SPOCK1: variants seen among roughly 807,000 people sequenced by gnomAD.
The protein encoded by SPOCK1 is SPARC (osteonectin), cwcv and kazal like domains proteoglycan 1, also known as testican-1.
A neutral mutation model predicts 55.3 loss-of-function variants in SPOCK1; 23 were observed. That is an observed-to-expected ratio of 0.42 (90% CI 0.30 to 0.59). The LOEUF (loss-of-function observed/expected upper bound fraction) is 0.59, where lower values mean the gene tolerates loss of function less well. Among genes scored for constraint, SPOCK1 ranks in the 20% least tolerant of loss-of-function variants. The pLI is 0.22. For synonymous variants in SPOCK1, 226 were observed against 221.0 expected (o/e 1.02, Z -0.20); for missense variants, 499 against 552.5 (o/e 0.90, Z 0.97).
At chr5:137,334,984 T>C (rs1750211830) in intron 2 of SPOCK1, among the ~76,000 whole-genome samples, 1 of 151,888 alleles carries the variant, frequency 6.6e-6, no homozygotes. Flanking sequence ...TGTGGAGAGA[T>C]TTCACCCCTA....
rs1190134515 is a variant in SPOCK1 at position 137,024,603 on chromosome 5, G to A, written c.590-32003C>T. ...GCAATTACTAGGAAGGGAGCCATCT[G>A]ACATGTAAAAAAAAAAAAAAAGTAG... On this transcript the variant is annotated intron_variant, in intron 6 of 10. Coordinates refer to ENST00000394945, the MANE Select transcript of SPOCK1 (RefSeq NM_004598.4). Among the ~76,000 whole-genome samples the A allele has an allele frequency of 3.6e-4, 53 of 146,248 alleles. 1 individual carries two copies. Among genetic ancestry groups the A allele is most frequent in the Admixed American group, 2.7e-4 (4 of 14,602 alleles).
chr5:137,341,463 G>T (rs73296887), intron 2 of SPOCK1, among the ~76,000 whole-genome samples: 5,645 of 152,300 alleles, frequency 0.037, 402 homozygotes, highest in African/African-American at 0.13. Flanking sequence ...CATGTCTCAG[G>T]TTTGAAAAAA....
At chr5:137,085,199 G>A (rs975110152) in intron 5 of SPOCK1, among the ~76,000 whole-genome samples, 4 of 152,120 alleles carry the variant, frequency 2.6e-5, no homozygotes, top group African/African-American at 9.7e-5. Flanking sequence ...GTCTGGAGAT[G>A]CCCCACCTGG....
chr5:137,009,688 CT>C (rs934071724), intron 6 of SPOCK1, among the ~76,000 whole-genome samples: 13 of 152,278 alleles, frequency 8.5e-5, no homozygotes, highest in African/African-American at 3.1e-4. Context: ...TAACATTTTT[CT>C]TTTAAACCAA....
At chr5:137,463,526 T>TGGG (rs200180241) in intron 2 of SPOCK1, among the ~76,000 whole-genome samples, 4 of 12,336 alleles carry the variant, frequency 3.2e-4, no homozygotes, top group African/African-American at 9.8e-4. Context: ...GCAAGGGTAG[T>TGGG]GGGGGGGTGT....
chr5:137,098,765 A>G (rs1169603869), intron 5 of SPOCK1, among the ~76,000 whole-genome samples: 1 of 152,124 alleles, frequency 6.6e-6, no homozygotes, highest in African/African-American at 2.4e-5. Flanking sequence ...ATACTTAGAG[A>G]CTTTGCATCG....
chr5:137,077,199 C>T (rs1171843772), intron 5 of SPOCK1, among the ~76,000 whole-genome samples: 1 of 152,236 alleles, frequency 6.6e-6, no homozygotes. Flanking sequence ...GCTGGGATTA[C>T]AGGCGTGAGC....
chr5:137,170,591 C>CTG (rs761958583), intron 3 of SPOCK1, among the ~76,000 whole-genome samples: 1 of 87,600 alleles, frequency 1.1e-5, no homozygotes, highest in Non-Finnish European at 2.3e-5. Context: ...TGTTATTTCT[C>CTG]TCTCTCTCTC....
chr5:136,985,311 A>C, intron 8 of SPOCK1, 109 bp from the exon 9 acceptor site: 4 of 1,079,036 alleles, frequency 3.7e-6, no homozygotes, highest in Non-Finnish European at 2.8e-6. Context: ...CTGGGAGTGG[A>C]ATTGTTCCAT....
At position 136,977,889 on chromosome 5, in the gene SPOCK1, C is replaced by T. The variant is rs142711610; in HGVS notation, c.*765G>A. On this transcript the variant is annotated 3_prime_UTR_variant, in exon 11 of 11. Coordinates refer to ENST00000394945, the MANE Select transcript of SPOCK1 (RefSeq NM_004598.4). ...CCAGAAATTTTGTTCCAGGTCTGGA[C>T]AAGCTGAGAAATTTATCATTGTTTT... 3.4e-3 allele frequency: 1,352 copies of T among 398,822 alleles called. 15 individuals carry two copies. The highest frequency in any genetic ancestry group is 0.026 in the African/African-American group (1,246 of 48,748). 24.7% of individuals were successfully genotyped at this position (398,822 alleles called of 1,614,324 possible).
At position 136,977,431 on chromosome 5, in the gene SPOCK1, A is replaced by T. The variant is rs1466407351; in HGVS notation, c.*1223T>A. On this transcript the variant is annotated 3_prime_UTR_variant, in exon 11 of 11. Transcript: ENST00000394945. ...CATTTGGGATTGAGTGGTTAAAAAA[A>T]AAAATCTGTACAGCTTTTGTGCCCT... 1.7e-5 allele frequency: 3 copies of T among 172,588 alleles called. No homozygotes were observed. The highest frequency in any genetic ancestry group is 7.1e-5 in the African/African-American group (3 of 42,534). The allele number at this position is 172,588 out of a possible 1,614,324, so 10.7% of individuals were successfully genotyped here.
intron 2 of SPOCK1, among the ~76,000 whole-genome samples, chr5:137,460,451 G>A (rs1753460435): frequency 6.6e-6 from 1 of 152,180 alleles, no homozygotes; most frequent in Admixed American, 6.5e-5. Context: ...GAGCCAAGGA[G>A]TAAAGCTCAG....
At chr5:137,471,969 G>C (rs1214613301) in intron 2 of SPOCK1, among the ~76,000 whole-genome samples, 7 of 152,180 alleles carry the variant, frequency 4.6e-5, no homozygotes, top group African/African-American at 1.4e-4. Context: ...CGCAGGAGAG[G>C]AGAACAGAGC....
intron 2 of SPOCK1, among the ~76,000 whole-genome samples, chr5:137,322,316 G>C (rs1219146895): frequency 1.4e-5 from 2 of 138,916 alleles, no homozygotes; most frequent in African/African-American, 5.4e-5. Context: ...CTGGGCATCA[G>C]AGTGAGATGC....
Position 137,186,804 on chromosome 5 carries a change from G to A in SPOCK1, c.233-46110C>T, listed in dbSNP as rs118044912. Among the ~76,000 whole-genome samples, 8 of 152,102 alleles carry A rather than the reference G, an allele frequency of 5.3e-5. No individual in the cohort carries two copies. The East Asian group carries it at 7.7e-4, about 15-fold the overall frequency. The stretch of plus-strand genomic sequence containing the variant: ...GTATAGCTACTGTCTTCACTGCCTC[G>A]CTTCCTCCCCTTGGCTTCCCTCCCT... On this transcript the variant is annotated intron_variant, in intron 3 of 10. Coordinates refer to ENST00000394945, the MANE Select transcript of SPOCK1 (RefSeq NM_004598.4).
chr5:137,474,061 A>T (rs908680881), intron 2 of SPOCK1, among the ~76,000 whole-genome samples: 1 of 152,190 alleles, frequency 6.6e-6, no homozygotes, highest in East Asian at 1.9e-4. Flanking sequence ...AGGCATAAGA[A>T]TGATACAATG....
At chr5:136,981,117 G>A (rs1750722159) in intron 9 of SPOCK1, among the ~76,000 whole-genome samples, 1 of 152,110 alleles carries the variant, frequency 6.6e-6, no homozygotes, top group Admixed American at 6.5e-5. Flanking sequence ...GCAAGTTCTT[G>A]GGCCCCACCT....
intron 3 of SPOCK1, among the ~76,000 whole-genome samples, chr5:137,194,313 G>A (rs577282109): frequency 5.9e-5 from 9 of 152,318 alleles, no homozygotes; most frequent in African/African-American, 2.2e-4. Context: ...GATCACTTTT[G>A]TTAATGAGGT....
chr5:137,399,520 TAA>T (rs111976413), intron 2 of SPOCK1, among the ~76,000 whole-genome samples: 4 of 145,032 alleles, frequency 2.8e-5, no homozygotes, highest in African/African-American at 7.6e-5. Context: ...CTTTAAGTAT[TAA>T]AAAAAAAAAC....
Sources: allele counts gnomAD v4.1 joint callset (sites outside exome capture counted in the v4.1 genomes callset), GRCh38; gene constraint gnomAD v4.1.1; transcripts MANE v1.5; gene names NCBI Gene and HGNC (gene_info 2026-07-23, HGNC 2026-07-21).